Variants in CDHR3 observed in about 807,000 individuals in gnomAD.
CDHR3 encodes the protein cadherin-related family member 3.
Under a neutral mutation model 86.6 loss-of-function variants are expected in CDHR3, and 79 were observed. That is an observed-to-expected ratio of 0.91 (90% CI 0.76 to 1.10). CDHR3 has a LOEUF of 1.10. CDHR3 is among the 50% of genes least tolerant of loss of function. The pLI, the probability that CDHR3 is intolerant of heterozygous loss-of-function variation, is 0.00. For missense variants in CDHR3, 1,081 were observed against 1,077.6 expected (o/e 1.00, Z -0.04); for synonymous variants, 421 against 402.4 (o/e 1.05, Z -0.55).
intron 1 of CDHR3, among the ~76,000 whole-genome samples, chr7:105,970,412 A>C (rs527391197): frequency 6.6e-6 from 1 of 152,358 alleles, no homozygotes; most frequent in Admixed American, 6.5e-5. Context: ...GCCATGGCTG[A>C]CAATAAATCT....
intron 1 of CDHR3, among the ~76,000 whole-genome samples, chr7:105,964,462 A>T (rs1323264706): frequency 6.6e-6 from 1 of 151,748 alleles, no homozygotes; most frequent in South Asian, 2.1e-4. Context: ...TTTTTTTCTT[A>T]TCTAACTGCC....
At chr7:105,982,183 TA>T (rs1255998154) in intron 3 of CDHR3, among the ~76,000 whole-genome samples, 2 of 152,002 alleles carry the variant, frequency 1.3e-5, no homozygotes, top group Non-Finnish European at 2.9e-5. Context: ...AAGAACCAAT[TA>T]AAGGCCGGGC....
At chr7:105,983,805 A>G (rs768301811) in intron 3 of CDHR3, among the ~76,000 whole-genome samples, 10 of 152,128 alleles carry the variant, frequency 6.6e-5, no homozygotes, top group Non-Finnish European at 1.3e-4. Context: ...AGCACAGTTG[A>G]GGAGAGATTT....
intron 2 of CDHR3, among the ~76,000 whole-genome samples, 194 bp from the exon 3 acceptor site, chr7:105,980,773 AG>A (rs1829619439): frequency 6.6e-6 from 1 of 152,050 alleles, no homozygotes; most frequent in Non-Finnish European, 1.5e-5. Flanking sequence ...CACATGCAGG[AG>A]TCCCTTTAGT....
At chr7:105,966,008 A>T (rs1026549344) in intron 1 of CDHR3, among the ~76,000 whole-genome samples, 1 of 152,160 alleles carries the variant, frequency 6.6e-6, no homozygotes, top group South Asian at 2.1e-4. Flanking sequence ...TCCTATGAAG[A>T]TGAGTTTCCC....
At chr7:105,981,643 T>G (rs1254237831) in intron 3 of CDHR3, among the ~76,000 whole-genome samples, 3 of 152,192 alleles carry the variant, frequency 2.0e-5, no homozygotes, top group African/African-American at 7.2e-5. Flanking sequence ...GTCTGTCATT[T>G]CAGTTCAGGT....
rs373954340 is a variant in CDHR3 at position 106,032,579 on chromosome 7, C to A, written c.2540C>A (p.Ala847Glu). The A allele has an allele frequency of 6.2e-7, 1 of 1,613,802 alleles. No individual in the cohort carries two copies. The highest frequency in any genetic ancestry group is 1.3e-5 in the African/African-American group (1 of 74,886). The change falls in exon 19 of 19, where the codon GCG becomes GAG. Residue 847 changes from alanine to glutamate, a missense_variant. Coordinates refer to ENST00000317716, the MANE Select transcript of CDHR3 (RefSeq NM_152750.5). ...NWEEDELSGK[A>E]WAEDAGLGSR... is the part of the protein sequence containing the mutation. The stretch of plus-strand genomic sequence containing the variant: ...GAAGAAGATGAGCTGAGTGGCAAAG[C>A]GTGGGCTGAGGATGCTGGTCTGGGT...
At chr7:105,989,316 G>A (rs922227745) in intron 4 of CDHR3, among the ~76,000 whole-genome samples, 3 of 148,042 alleles carry the variant, frequency 2.0e-5, no homozygotes, top group South Asian at 2.2e-4. Flanking sequence ...CTTGGAAATG[G>A]CCACCGTGAC....
intron 2 of CDHR3, among the ~76,000 whole-genome samples, chr7:105,977,111 C>T (rs1052999659): frequency 5.3e-5 from 8 of 151,954 alleles, no homozygotes; most frequent in Non-Finnish European, 7.4e-5. Context: ...CACCACCACA[C>T]GTGGTTTCAT....
chr7:106,028,446 A>T (rs1837711313), intron 16 of CDHR3, 105 bp from the exon 17 acceptor site: 1 of 1,212,902 alleles, frequency 8.2e-7, no homozygotes, highest in African/African-American at 1.5e-5. Flanking sequence ...TGTCTGCAAG[A>T]CTGAGATCGA....
At chr7:106,007,825 C>G (rs1054669229) in intron 8 of CDHR3, among the ~76,000 whole-genome samples, 3 of 152,202 alleles carry the variant, frequency 2.0e-5, no homozygotes, top group African/African-American at 7.2e-5. Context: ...CAGGTATCTA[C>G]AGCAGAGCCC....
intron 11 of CDHR3, 140 bp from the exon 12 acceptor site, chr7:106,017,706 T>C (rs978643252): frequency 9.2e-6 from 6 of 654,006 alleles, no homozygotes; most frequent in Non-Finnish European, 1.3e-5. Flanking sequence ...TTTAGTAGAA[T>C]TGAAGCTATA....
At chr7:106,010,459 G>A (rs1177321376) in intron 8 of CDHR3, among the ~76,000 whole-genome samples, 2 of 152,184 alleles carry the variant, frequency 1.3e-5, no homozygotes, top group Non-Finnish European at 2.9e-5. Context: ...ATGACATTGT[G>A]CAATCAAGGC....
chr7:106,022,538 T>TGG (rs1159931027), intron 14 of CDHR3, 90 bp downstream of exon 14: 4 of 1,526,698 alleles, frequency 2.6e-6, no homozygotes, highest in Non-Finnish European at 3.5e-6. Flanking sequence ...GTATGTGGGG[T>TGG]GGACTGAAGA....
chr7:105,963,297 C>A lies in CDHR3; in HGVS notation c.-22C>A, dbSNP rs376674027. 1.2e-6 allele frequency: 2 copies of A among 1,613,058 alleles called. No individual in the cohort carries two copies. The highest frequency in any genetic ancestry group is 1.7e-4 in the Middle Eastern group (1 of 6,054). ...GGCTGTGGCTAATGTGCTGGAAGCA[C>A]GCACAGTTGTGACCATCAAGTATGC... is the stretch of plus-strand genomic sequence containing the variant. On this transcript the variant is annotated 5_prime_UTR_variant, in exon 1 of 19. Coordinates refer to ENST00000317716, the MANE Select transcript of CDHR3 (RefSeq NM_152750.5).
chr7:105,999,235 G>T (rs1203067071), intron 6 of CDHR3, among the ~76,000 whole-genome samples: 1 of 152,188 alleles, frequency 6.6e-6, no homozygotes, highest in African/African-American at 2.4e-5. Context: ...CCTGTATCTT[G>T]GATTCAAAAA....
chr7:106,026,963 C>G (rs1011999569), intron 16 of CDHR3, among the ~76,000 whole-genome samples: 2 of 152,168 alleles, frequency 1.3e-5, no homozygotes, highest in Non-Finnish European at 2.9e-5. Flanking sequence ...CAGCTGAACA[C>G]CTAGGTCTGT....
chr7:105,982,736 A>C (rs941499375), intron 3 of CDHR3, among the ~76,000 whole-genome samples: 9 of 151,824 alleles, frequency 5.9e-5, no homozygotes, highest in African/African-American at 2.2e-4. Context: ...TAATCACAGC[A>C]CTTTGGGAGG....
intron 4 of CDHR3, among the ~76,000 whole-genome samples, chr7:105,992,540 G>A (rs573101002): frequency 1.3e-5 from 2 of 152,282 alleles, no homozygotes; most frequent in African/African-American, 2.4e-5. Flanking sequence ...TGGGAGAAGG[G>A]TGCTCTGTGG....
Sources: allele counts gnomAD v4.1 joint callset (sites outside exome capture counted in the v4.1 genomes callset), GRCh38; gene constraint gnomAD v4.1.1; transcripts MANE v1.5; gene names NCBI Gene and HGNC (gene_info 2026-07-23, HGNC 2026-07-21).